Variants in CSMD1 observed in about 807,000 individuals in gnomAD.
The protein encoded by CSMD1 is CUB and sushi domain-containing protein 1.
CSMD1 carries 213 observed loss-of-function variants against 417.5 expected under a neutral mutation model. That is an observed-to-expected ratio of 0.51 (90% confidence interval 0.46 to 0.57). CSMD1 has a LOEUF of 0.57. CSMD1 is among the 20% of genes least tolerant of loss of function. The pLI is 0.00. For missense variants in CSMD1, 6,923 were observed against 4,529.7 expected (o/e 1.53, Z -15.17); for synonymous variants, 2,862 against 1,736.8 (o/e 1.65, Z -16.11).
At chr8:4,866,978 C>T (rs973552500) in intron 1 of CSMD1, among the ~76,000 whole-genome samples, 2 of 151,982 alleles carry the variant, frequency 1.3e-5, no homozygotes, top group Non-Finnish European at 2.9e-5. Flanking sequence ...ATACTAGAGA[C>T]ATTGTATTTC....
intron 10 of CSMD1, among the ~76,000 whole-genome samples, chr8:3,507,912 T>C (rs1003240471): frequency 8.5e-5 from 13 of 152,296 alleles, no homozygotes; most frequent in South Asian, 2.1e-4. Context: ...TATTAGCCCT[T>C]TGTCAGATGA....
At chr8:4,017,736 C>T (rs778220678) in intron 4 of CSMD1, among the ~76,000 whole-genome samples, 1 of 152,090 alleles carries the variant, frequency 6.6e-6, no homozygotes, top group Non-Finnish European at 1.5e-5. Context: ...ATTGTGTGTG[C>T]ATGGTACAAA....
chr8:4,347,839 A>G (rs545986483), intron 3 of CSMD1, among the ~76,000 whole-genome samples: 2 of 104,904 alleles, frequency 1.9e-5, no homozygotes, highest in East Asian at 4.3e-4. Flanking sequence ...TCTCGTTCAA[A>G]GAAACAAAAA....
At chr8:3,666,587 T>C (rs925338395) in intron 7 of CSMD1, among the ~76,000 whole-genome samples, 1 of 152,156 alleles carries the variant, frequency 6.6e-6, no homozygotes, top group Admixed American at 6.5e-5. Context: ...TCTTGAATTG[T>C]AGCTCCCATA....
At chr8:4,115,224 C>A (rs1213479950) in intron 3 of CSMD1, among the ~76,000 whole-genome samples, 1 of 152,218 alleles carries the variant, frequency 6.6e-6, no homozygotes, top group Non-Finnish European at 1.5e-5. Flanking sequence ...CAGCCACCAA[C>A]ATTGAGGCAA....
Position 4,976,204 on chromosome 8 carries a change from TCA to T in CSMD1, c.85+18126_85+18127del, listed in dbSNP as rs1459671009. On this transcript the variant is annotated intron_variant, in intron 1 of 69. Transcript: ENST00000635120. ...GAAAAACCATCTATTGGACCCTAAC[TCA>T]CTGCCTGGGTGACAAGAGTATCCAT... Among the ~76,000 whole-genome samples, 3 of 152,134 alleles carry T rather than the reference TCA, an allele frequency of 2.0e-5. No homozygotes were observed. The East Asian group carries it at 5.8e-4, about 29-fold the overall frequency.
At chr8:4,530,694 C>T (rs1390678776) in intron 2 of CSMD1, among the ~76,000 whole-genome samples, 2 of 150,966 alleles carry the variant, frequency 1.3e-5, no homozygotes, top group Non-Finnish European at 2.9e-5. Flanking sequence ...TTTAGGGCTG[C>T]ATAGTGTTCC....
intron 48 of CSMD1, among the ~76,000 whole-genome samples, chr8:3,090,849 G>A (rs1439647398): frequency 1.3e-5 from 2 of 152,170 alleles, no homozygotes; most frequent in African/African-American, 4.8e-5. Context: ...AAAGAATAGT[G>A]TGGTCAGATC....
chr8:4,041,017 C>A (rs201720258), intron 3 of CSMD1, among the ~76,000 whole-genome samples: 1 of 100,158 alleles, frequency 1.0e-5, no homozygotes, highest in Non-Finnish European at 2.0e-5. Context: ...TTTTTTTTTC[C>A]TTTTTTTTTT....
chr8:4,392,325 C>T (rs909607137), intron 3 of CSMD1, among the ~76,000 whole-genome samples: 1 of 151,946 alleles, frequency 6.6e-6, no homozygotes, highest in African/African-American at 2.4e-5. Flanking sequence ...ACCATGGGGA[C>T]CACGGATATG....
chr8:3,473,050 G>C (rs971350676), intron 11 of CSMD1, among the ~76,000 whole-genome samples: 1 of 151,814 alleles, frequency 6.6e-6, no homozygotes, highest in South Asian at 2.1e-4. Context: ...CTAGACATTC[G>C]ACTTGATTTT....
chr8:3,459,459 T>A (rs1163852001), intron 12 of CSMD1, among the ~76,000 whole-genome samples: 2 of 152,108 alleles, frequency 1.3e-5, no homozygotes, highest in Non-Finnish European at 1.5e-5. Flanking sequence ...CTGACCTGAA[T>A]CTCCGTCTAT....
chr8:4,782,009 A>G (rs951999338), intron 1 of CSMD1, among the ~76,000 whole-genome samples: 3 of 152,190 alleles, frequency 2.0e-5, no homozygotes, highest in Admixed American at 6.5e-5. Context: ...TCTTGCCTCT[A>G]TTTATGCACC....
chr8:4,033,132 A>C (rs1039248489), intron 3 of CSMD1, among the ~76,000 whole-genome samples: 2 of 101,914 alleles, frequency 2.0e-5, no homozygotes, highest in African/African-American at 6.7e-5. Context: ...TCCAATATGA[A>C]AAAAAAAAAA....
At chr8:4,941,272 T>TTTAA (rs1807980045) in intron 1 of CSMD1, among the ~76,000 whole-genome samples, 1 of 151,810 alleles carries the variant, frequency 6.6e-6, no homozygotes, top group African/African-American at 2.4e-5. Context: ...AGTAACATTC[T>TTTAA]TTGATTCAAA....
At position 4,809,632 on chromosome 8, in the gene CSMD1, C is replaced by T. The variant is rs555954215; in HGVS notation, c.86-172074G>A. ...CTCTCCAGTAGAAATAATATGCAAG[C>T]CACATATGTAATTTTAACTTTTCTA... On this transcript the variant is annotated intron_variant, in intron 1 of 69. Transcript: ENST00000635120. Among the ~76,000 whole-genome samples the T allele has an allele frequency of 6.6e-5, 10 of 152,212 alleles. No individual in the cohort carries two copies. In the South Asian group the frequency reaches 1.7e-3, roughly 25 times the overall value.
At chr8:3,577,031 T>A (rs1800178257) in intron 9 of CSMD1, among the ~76,000 whole-genome samples, 1 of 152,190 alleles carries the variant, frequency 6.6e-6, no homozygotes, top group Non-Finnish European at 1.5e-5. Context: ...AAAAAGTACA[T>A]CTGAAAAACA....
chr8:4,925,819 T>C (rs1416683121), intron 1 of CSMD1, among the ~76,000 whole-genome samples: 1 of 152,188 alleles, frequency 6.6e-6, no homozygotes, highest in Non-Finnish European at 1.5e-5. Context: ...AGTGTTGGGA[T>C]TACAGGCGTG....
intron 1 of CSMD1, among the ~76,000 whole-genome samples, chr8:4,954,374 G>T (rs546187876): frequency 9.9e-5 from 15 of 152,214 alleles, no homozygotes; most frequent in Non-Finnish European, 1.3e-4. Context: ...CACATTTTTT[G>T]TGTGTGATTG....
Sources: allele counts gnomAD v4.1 joint callset (sites outside exome capture counted in the v4.1 genomes callset), GRCh38; gene constraint gnomAD v4.1.1; transcripts MANE v1.5; gene names NCBI Gene and HGNC (gene_info 2026-07-23, HGNC 2026-07-21).